The following ASPSCR1 variants were observed in gnomAD, a reference collection of about 807,000 sequenced individuals.
ASPSCR1 encodes the protein tether containing UBX domain for GLUT4.
A neutral mutation model predicts 68.9 loss-of-function variants in ASPSCR1; 55 were observed. The ratio of observed to expected loss-of-function variants is 0.80; its 90% CI spans 0.64 to 1.00. The LOEUF (loss-of-function observed/expected upper bound fraction) is 1.00. Ranked by LOEUF, ASPSCR1 falls within the 50% of genes least tolerant of loss-of-function variation. The pLI is 0.00. For missense variants in ASPSCR1, 765 were observed against 762.2 expected (o/e 1.00, Z -0.04); for synonymous variants, 352 against 332.6 (o/e 1.06, Z -0.63).
Position 81,983,489 on chromosome 17 carries a change from G to C in ASPSCR1, c.159-65G>C. The stretch of plus-strand genomic sequence containing the variant: ...CGTGGATGGTGGGACGGGGATGGCG[G>C]GGCGTGGATGGCAGGGCGTGTCAGG... On this transcript the variant is annotated intron_variant, in intron 2 of 15. Transcript: ENST00000306739. This position sits in a 1 kb window ranked among gnomAD's most constrained non-coding sequence, Gnocchi z 4.4. 1 of 1,332,674 alleles carries C rather than the reference G, an allele frequency of 7.5e-7. No homozygotes were observed. The highest frequency in any genetic ancestry group is 1.1e-6 in the Non-Finnish European group (1 of 948,458). 82.6% of individuals were successfully genotyped at this position (1,332,674 alleles called of 1,614,324 possible). A position where few individuals can be genotyped will look rare whatever the true frequency, so the allele number is the denominator to read the frequency against.
At position 81,977,636 on chromosome 17, in the gene ASPSCR1, G is replaced by T; in HGVS notation, c.-11G>T. On this transcript the variant is annotated 5_prime_UTR_variant, in exon 1 of 16. Coordinates refer to ENST00000306739, the MANE Select transcript of ASPSCR1 (RefSeq NM_024083.4). The surrounding 1 kb of genome is among the most constrained non-coding windows in gnomAD (Gnocchi z 5.0). ...TGACGCCGGCCCGGCGGCGGGTCAC[G>T]TGAGCGGAAAATGGCGGCCCCGGCA... 13 of 1,389,646 alleles carry T rather than the reference G, an allele frequency of 9.4e-6. No individual in the cohort carries two copies. Among genetic ancestry groups the T allele is most frequent in the Non-Finnish European group, 1.2e-5 (13 of 1,069,118 alleles). 86.1% of individuals were successfully genotyped at this position (1,389,646 alleles called of 1,614,324 possible). A position where few individuals can be genotyped will look rare whatever the true frequency, so the allele number is the denominator to read the frequency against.
At chr17:82,015,078 C>T in intron 12 of ASPSCR1, 1 of 1,597,144 alleles carries the variant, frequency 6.3e-7, no homozygotes, top group East Asian at 2.2e-5. Flanking sequence ...TTTCCAGCCC[C>T]AGCTTGGTGA....
At chr17:81,984,726 C>T (rs950300335) in intron 3 of ASPSCR1, among the ~76,000 whole-genome samples, 2 of 151,866 alleles carry the variant, frequency 1.3e-5, no homozygotes, top group Non-Finnish European at 2.9e-5. Context: ...CACTGGGACA[C>T]GAGGACTGTC....
At position 81,988,099 on chromosome 17, in the gene ASPSCR1, A is replaced by G. The variant is rs1242600695; in HGVS notation, c.374+2492A>G. On this transcript the variant is annotated intron_variant, in intron 4 of 15. Transcript: ENST00000306739. ...CTTGAACCCAGGAGGTGGAGGTTGC[A>G]GTGAGCCAAGATTGCACTCAGCCTG... Among the ~76,000 whole-genome samples the G allele has an allele frequency of 6.6e-5, 10 of 150,694 alleles. No individual in the cohort carries two copies. In the East Asian group the frequency reaches 2.0e-3, roughly 30 times the overall value.
At position 82,015,127 on chromosome 17, in the gene ASPSCR1, G is replaced by T. The variant is rs541760369; in HGVS notation, c.1354-1349G>T. ...TTCACCCTGGGTCCCTCGCTGAAAC[G>T]GTGCCTGGGACCAGAGCAGAGAACA... On this transcript the variant is annotated intron_variant, in intron 12 of 15. Coordinates refer to ENST00000306739, the MANE Select transcript of ASPSCR1 (RefSeq NM_024083.4). 112 of 1,598,276 alleles carry T rather than the reference G, an allele frequency of 7.0e-5. No individual in the cohort carries two copies. The South Asian group carries it at 1.0e-3, about 15-fold the overall frequency.
At chr17:82,011,262 G>T (rs891629926) in intron 10 of ASPSCR1, among the ~76,000 whole-genome samples, 1 of 130,600 alleles carries the variant, frequency 7.7e-6, no homozygotes, top group African/African-American at 2.8e-5. Context: ...GGTCACAGGG[G>T]CCTCCCCCAG....
Position 81,979,171 on chromosome 17 carries a change from A to C in ASPSCR1, c.103-13A>C. The C allele has an allele frequency of 6.2e-7, 1 of 1,613,876 alleles. No homozygotes were observed. The highest frequency in any genetic ancestry group is 1.1e-5 in the South Asian group (1 of 91,076). ...ACACTCAGCAGTTCACCATCCTTTC[A>C]TCTCACCCCCAGGTTCTGGAGGACA... On this transcript the variant is annotated splice_polypyrimidine_tract_variant and intron_variant, in intron 1 of 15. Coordinates refer to ENST00000306739, the MANE Select transcript of ASPSCR1 (RefSeq NM_024083.4).
intron 7 of ASPSCR1, among the ~76,000 whole-genome samples, chr17:81,997,111 G>GGGATGAGGCCGTGTGGGCTCCA (rs1261134487): frequency 2.6e-5 from 4 of 151,636 alleles, no homozygotes; most frequent in South Asian, 2.1e-4. Flanking sequence ...TGTCCGCTCC[G>GGGATGAGGCCGTGTGGGCTCCA]GGATGAGGCC....
At chr17:81,992,322 GA>G (rs1411355401) in intron 4 of ASPSCR1, among the ~76,000 whole-genome samples, 2 of 152,196 alleles carry the variant, frequency 1.3e-5, no homozygotes, top group Non-Finnish European at 2.9e-5. Flanking sequence ...GGCCGGCGTA[GA>G]AGGTCTGGAA....
rs757210501 is a variant in ASPSCR1 at position 82,009,556 on chromosome 17, C to T, written c.1159C>T (p.Arg387Cys). The change falls in exon 9 of 16, where the codon CGC becomes TGC. Residue 387 changes from arginine to cysteine, a missense_variant. Physicochemically the swap from Arg to Cys is radical, Grantham distance 180. Coordinates refer to ENST00000306739, the MANE Select transcript of ASPSCR1 (RefSeq NM_024083.4). ...GGCGCAGATAAAGGAGAAGCTGGAG[C>T]GCTACCCAAAGGTCTGCAGACAGGA... Reference protein sequence around the residue: ...REAQIKEKLERYPKVALRVLF... With the variant: ...REAQIKEKLECYPKVALRVLF... 1.4e-5 allele frequency: 18 copies of T among 1,282,688 alleles called. No homozygotes were observed. The highest frequency in any genetic ancestry group is 4.5e-4 in the Middle Eastern group (2 of 4,452). The allele number at this position is 1,282,688 out of a possible 1,614,324, so 79.5% of individuals were successfully genotyped here.
At chr17:81,993,285 C>T (rs2042229151) in intron 4 of ASPSCR1, among the ~76,000 whole-genome samples, 1 of 152,128 alleles carries the variant, frequency 6.6e-6, no homozygotes, top group Non-Finnish European at 1.5e-5. Flanking sequence ...GCGATCTCGG[C>T]TCACTGCAAG....
Position 81,986,221 on chromosome 17 carries a change from CAA to C in ASPSCR1, c.374+615_374+616del, listed in dbSNP as rs1567959159. On this transcript the variant is annotated intron_variant, in intron 4 of 15. Transcript: ENST00000306739. The surrounding 1 kb of genome is among the most constrained non-coding windows in gnomAD (Gnocchi z 5.2). Reference sequence around the variant, plus strand: ...GGCGAATCGCTTGAGCTCATGAGTTCAAGACTAGCCTCGGCAACATAGTGAAA... The same window carrying C: ...GGCGAATCGCTTGAGCTCATGAGTTCGACTAGCCTCGGCAACATAGTGAAA... Among the ~76,000 whole-genome samples the C allele has an allele frequency of 6.6e-6, 1 of 152,036 alleles. No homozygotes were observed. The highest frequency in any genetic ancestry group is 2.1e-4 in the South Asian group (1 of 4,818).
rs2041652853 is a variant in ASPSCR1, at chr17:81,977,822, G to A, written c.102+74G>A. The A allele has an allele frequency of 6.2e-6, 7 of 1,128,944 alleles. No homozygotes were observed. The highest frequency in any genetic ancestry group is 7.7e-6 in the Non-Finnish European group (7 of 903,970). 69.9% of individuals were successfully genotyped at this position (1,128,944 alleles called of 1,614,324 possible). A position where few individuals can be genotyped will look rare whatever the true frequency, so the allele number is the denominator to read the frequency against. On this transcript the variant is annotated intron_variant, in intron 1 of 15. Transcript: ENST00000306739. This position sits in a 1 kb window ranked among gnomAD's most constrained non-coding sequence, Gnocchi z 5.0. ...CGCCGAGGCCCCGCCCATTGCGGTC[G>A]GCGTCCCGGTGTTCGGGGGCGGGGC...
At chr17:81,994,545 GC>G (rs2042273539) in intron 4 of ASPSCR1, among the ~76,000 whole-genome samples, 2 of 152,116 alleles carry the variant, frequency 1.3e-5, no homozygotes, top group Non-Finnish European at 2.9e-5. Flanking sequence ...CCTGCCAGCG[GC>G]CCCGAGACTG....
At chr17:81,981,995 G>C (rs1236740510) in intron 2 of ASPSCR1, among the ~76,000 whole-genome samples, 1 of 151,684 alleles carries the variant, frequency 6.6e-6, no homozygotes, top group Non-Finnish European at 1.5e-5. Flanking sequence ...TTGAGACGGA[G>C]TCTCGCTCTG....
intron 3 of ASPSCR1, 89 bp from the exon 4 acceptor site, chr17:81,985,418 C>T: frequency 2.9e-6 from 4 of 1,396,830 alleles, no homozygotes; most frequent in Non-Finnish European, 4.0e-6. Context: ...GGGCAGTCAC[C>T]CTCTCTGTGT....
chr17:81,994,757 G>C, intron 4 of ASPSCR1, 64 bp from the exon 5 acceptor site: 2 of 1,535,866 alleles, frequency 1.3e-6, no homozygotes, highest in East Asian at 2.3e-5. Context: ...TCCTGCCCCA[G>C]GGCCTCCGTG....
chr17:81,995,967 C>G (rs748837492), intron 5 of ASPSCR1, 25 bp from the exon 6 acceptor site: 1 of 1,604,150 alleles, frequency 6.2e-7, no homozygotes, highest in Non-Finnish European at 8.5e-7. Flanking sequence ...GCAAGGCGCA[C>G]CTGTCCTGGC....
chr17:82,010,928 G>C, intron 10 of ASPSCR1, 60 bp downstream of exon 10: 1 of 1,572,896 alleles, frequency 6.4e-7, no homozygotes, highest in Non-Finnish European at 8.7e-7. Flanking sequence ...GCCTCTCCCG[G>C]CTCCTTCCTT....
Sources: gnomAD v4.1 joint callset for allele counts (sites outside exome capture counted in the v4.1 genomes callset) on GRCh38, gnomAD v4.1.1 for gene constraint, Gnocchi (gnomAD v3.1) non-coding constraint, MANE v1.5 for transcripts, NCBI Gene and HGNC (gene_info 2026-07-23, HGNC 2026-07-21) for gene names.